SARS1: variants seen among roughly 807,000 people sequenced by gnomAD.
SARS1 encodes serine--tRNA ligase, cytoplasmic.
Under a neutral mutation model 63.7 loss-of-function variants are expected in SARS1, and 25 were observed. The observed-to-expected ratio is 0.39, with a 90% CI of 0.29 to 0.55. The LOEUF (loss-of-function observed/expected upper bound fraction) is 0.55. Ranked by LOEUF, SARS1 falls within the 20% of genes least tolerant of loss-of-function variation. The probability of loss-of-function intolerance (pLI) is 0.62; values close to 1 mark genes in which losing one functional copy is unlikely to be tolerated. For synonymous variants in SARS1, 231 were observed against 243.5 expected (o/e 0.95, Z 0.48); for missense variants, 417 against 649.7 (o/e 0.64, Z 3.89).
At chr1:109,217,811 C>T (rs958386517) in intron 1 of SARS1, among the ~76,000 whole-genome samples, 6 of 152,072 alleles carry the variant, frequency 3.9e-5, no homozygotes, top group Admixed American at 2.6e-4. Context: ...CCTCCCACTT[C>T]GACCTCCCAC....
Position 109,235,938 on chromosome 1 carries a change from T to A in SARS1, c.970-39T>A. On this transcript the variant is annotated intron_variant, in intron 7 of 10. Coordinates refer to ENST00000234677, the MANE Select transcript of SARS1 (RefSeq NM_006513.4). This position sits in a 1 kb window ranked among gnomAD's most constrained non-coding sequence, Gnocchi z 4.7. ...TCCCACTTCAGTCCTTTATTCACCC[T>A]ATACCGCTGTCACCGTTTCCTTGGG... 6.4e-7 allele frequency: 1 copy of A among 1,568,892 alleles called. No individual in the cohort carries two copies. Among genetic ancestry groups the A allele is most frequent in the Admixed American group, 1.8e-5 (1 of 54,058 alleles).
intron 1 of SARS1, chr1:109,216,475 A>G (rs1020332297): frequency 1.0e-6 from 1 of 985,244 alleles, no homozygotes; most frequent in African/African-American, 1.7e-5. Flanking sequence ...ATGATCCTAC[A>G]CTTGGGCATA....
In SARS1 at chr1:109,228,405, C is replaced by T. The variant is rs781728574; in HGVS notation, c.261C>T (p.Phe87=). The part of the protein sequence containing the change: ...DESVPENVLS[F]DDLTADALAN... ...CTGTCCCAGAGAATGTGCTGAGTTT[C>T]GATGACCTTACTGCAGACGCTTTAG... Residue 87 remains phenylalanine (F), a synonymous_variant, in exon 3 of 11, where the codon TTC becomes TTT. Coordinates refer to ENST00000234677, the MANE Select transcript of SARS1 (RefSeq NM_006513.4). The T allele has an allele frequency of 8.7e-6, 14 of 1,613,266 alleles. No individual in the cohort carries two copies. The highest frequency in any genetic ancestry group is 1.6e-4 in the Middle Eastern group (1 of 6,078).
In SARS1 at chr1:109,238,113, G is replaced by A; in HGVS notation, c.*225G>A. The A allele has an allele frequency of 1.7e-6, 1 of 587,234 alleles. No individual in the cohort carries two copies. Among genetic ancestry groups the A allele is most frequent in the Admixed American group, 3.0e-5 (1 of 33,294 alleles). The allele number at this position is 587,234 out of a possible 1,614,324, so 36.4% of individuals were successfully genotyped here. Reference sequence around the variant, plus strand: ...TGAAACCATGTAATAAAGCATCTCTGGGGAGGGCTTAGGACTCTTCCTCAG... The same window carrying A: ...TGAAACCATGTAATAAAGCATCTCTAGGGAGGGCTTAGGACTCTTCCTCAG... On this transcript the variant is annotated 3_prime_UTR_variant, in exon 11 of 11. Coordinates refer to ENST00000234677, the MANE Select transcript of SARS1 (RefSeq NM_006513.4).
rs770513123 is a variant in SARS1, at chr1:109,213,950, C to T, written c.-43C>T. 1.2e-5 allele frequency: 19 copies of T among 1,571,644 alleles called. No homozygotes were observed. The highest frequency in any genetic ancestry group is 1.8e-5 in the Admixed American group (1 of 55,922). On this transcript the variant is annotated 5_prime_UTR_variant, in exon 1 of 11. Transcript: ENST00000234677. ...GGCGGTCACAGGCTGAGTGCTGCGG[C>T]GCGATCCTTGCTTCCCTGAGCGTTG...
In SARS1 at chr1:109,228,368, G is replaced by A. The variant is rs1224420334; in HGVS notation, c.224G>A (p.Gly75Glu). The A allele has an allele frequency of 6.2e-7, 1 of 1,612,990 alleles. No individual in the cohort carries two copies. Among genetic ancestry groups the A allele is most frequent in the Admixed American group, 1.7e-5 (1 of 59,860 alleles). Residue 75 changes from glycine (G) to glutamate (E), a missense_variant, in exon 3 of 11, where the codon GGA (glycine) becomes GAA (glutamate). Transcript: ENST00000234677. ...TTCCTGCAGAAAAAAGAGCCAGTGG[G>A]AGATGATGAGTCTGTCCCAGAGAAT... is the stretch of plus-strand genomic sequence containing the variant. ...GEKMKKKEPV[G>E]DDESVPENVL... is the part of the protein sequence containing the mutation.
At chr1:109,220,405 G>A (rs966186823) in intron 1 of SARS1, among the ~76,000 whole-genome samples, 38 of 152,314 alleles carry the variant, frequency 2.5e-4, no homozygotes, top group African/African-American at 9.1e-4. Context: ...TTTTAATTTA[G>A]CCATTCTGGT....
intron 6 of SARS1, among the ~76,000 whole-genome samples, chr1:109,234,130 T>C (rs1230815738): frequency 1.3e-5 from 2 of 151,638 alleles, no homozygotes; most frequent in Non-Finnish European, 2.9e-5. Flanking sequence ...CCACCCGCCT[T>C]GGCCTCCCAA....
At chr1:109,234,036 AT>A (rs750427378) in intron 6 of SARS1, among the ~76,000 whole-genome samples, 443 of 141,730 alleles carry the variant, frequency 3.1e-3, no homozygotes, top group Admixed American at 2.5e-3. Context: ...TGCCCGACTA[AT>A]TTTTTTTTTT....
chr1:109,236,634 C>T (rs1444231375), intron 9 of SARS1, 86 bp downstream of exon 9: 1 of 1,525,888 alleles, frequency 6.6e-7, no homozygotes. Flanking sequence ...GTGCACTGGT[C>T]CCCAGCATCA....
At chr1:109,230,759 T>A in intron 4 of SARS1, 119 bp from the exon 5 acceptor site, 1 of 818,566 alleles carries the variant, frequency 1.2e-6, no homozygotes, top group Non-Finnish European at 1.8e-6. Context: ...GAGCCAAGAT[T>A]GTGCCATTGC....
intron 1 of SARS1, among the ~76,000 whole-genome samples, chr1:109,220,796 T>C (rs1307826776): frequency 6.6e-6 from 1 of 152,174 alleles, no homozygotes; most frequent in African/African-American, 2.4e-5. Context: ...TGTATTCTGT[T>C]TTGAAAATCA....
At position 109,237,978 on chromosome 1, in the gene SARS1, C is replaced by G. The variant is rs937395170; in HGVS notation, c.*90C>G. On this transcript the variant is annotated 3_prime_UTR_variant, in exon 11 of 11. Transcript: ENST00000234677. This position sits in a 1 kb window ranked among gnomAD's most constrained non-coding sequence, Gnocchi z 4.1. ...ACAGCAGGGAAGCCAAGCACCCATTCATCCCCCTGCCCCCATCTGACTGCG... is the reference window on the plus strand; with the variant it reads ...ACAGCAGGGAAGCCAAGCACCCATTGATCCCCCTGCCCCCATCTGACTGCG... 20 of 1,428,918 alleles carry G rather than the reference C, an allele frequency of 1.4e-5. No individual in the cohort carries two copies. The African/African-American group carries it at 1.7e-4, about 12-fold the overall frequency. 88.5% of individuals were successfully genotyped at this position (1,428,918 alleles called of 1,614,324 possible).
chr1:109,226,701 C>CACATATATATATATATATAT (rs1248771950), intron 2 of SARS1, among the ~76,000 whole-genome samples: 25 of 69,770 alleles, frequency 3.6e-4, no homozygotes, highest in Admixed American at 4.6e-4. Flanking sequence ...TATATATACA[C>CACATATATATATATATATAT]ACACACACAC....
intron 1 of SARS1, chr1:109,217,076 C>G (rs1364708928): frequency 1.0e-6 from 1 of 985,304 alleles, no homozygotes; most frequent in African/African-American, 1.7e-5. Flanking sequence ...CAAATCTGAT[C>G]ATTTTACTTG....
chr1:109,231,929 G>T, intron 6 of SARS1, 143 bp downstream of exon 6: 1 of 650,024 alleles, frequency 1.5e-6, no homozygotes, highest in Non-Finnish European at 2.3e-6. Context: ...TTAAAATGTG[G>T]GTGGTGCAAT....
intron 2 of SARS1, among the ~76,000 whole-genome samples, chr1:109,225,823 T>G (rs1655052218): frequency 6.6e-6 from 1 of 152,194 alleles, no homozygotes; most frequent in Non-Finnish European, 1.5e-5. Flanking sequence ...GAACTTGAAT[T>G]TGCTGCCCTG....
chr1:109,228,158 G>A (rs1655132423), intron 2 of SARS1, among the ~76,000 whole-genome samples, 194 bp from the exon 3 acceptor site: 1 of 152,174 alleles, frequency 6.6e-6, no homozygotes, highest in Admixed American at 6.5e-5. Context: ...TGGCAGCATA[G>A]GGAGGGGCTT....
At chr1:109,231,156 T>C (rs1655203301) in intron 5 of SARS1, 135 bp downstream of exon 5, 2 of 488,898 alleles carry the variant, frequency 4.1e-6, no homozygotes, top group African/African-American at 2.0e-5. Flanking sequence ...TACTTGCCTT[T>C]CTGCAAATGT....
Sources: gnomAD v4.1 joint callset for allele counts (sites outside exome capture counted in the v4.1 genomes callset) on GRCh38, gnomAD v4.1.1 for gene constraint, Gnocchi (gnomAD v3.1) non-coding constraint, MANE v1.5 for transcripts, NCBI Gene and HGNC (gene_info 2026-07-23, HGNC 2026-07-21) for gene names.